The following EPC1 variants were observed in gnomAD, a reference collection of about 807,000 sequenced individuals.
The protein encoded by EPC1 is enhancer of polycomb 1, also known as enhancer of polycomb homolog 1.
In EPC1, 12 loss-of-function variants were observed where a neutral mutation model predicts 98.4. The ratio of observed to expected loss-of-function variants is 0.12; its 90% CI spans 0.08 to 0.20. The LOEUF is 0.20. Among genes scored for constraint, EPC1 ranks in the 10% least tolerant of loss-of-function variants. The pLI, the probability that EPC1 is intolerant of heterozygous loss-of-function variation, is 1.00. For synonymous variants in EPC1, 357 were observed against 363.9 expected, an observed-to-expected ratio of 0.98 and a Z score of 0.21; for missense variants, 729 against 990.5, an observed-to-expected ratio of 0.74 and a Z score of 3.54.
At chr10:32,291,667 G>C in intron 5 of EPC1, 1 of 155,914 alleles carries the variant, frequency 6.4e-6, no homozygotes, top group East Asian at 1.8e-4. Flanking sequence ...GAAAATTTTG[G>C]AAAGTTAGTT....
At chr10:32,299,030 C>G (rs1187983510) in intron 2 of EPC1, among the ~76,000 whole-genome samples, 1 of 152,202 alleles carries the variant, frequency 6.6e-6, no homozygotes, top group Non-Finnish European at 1.5e-5. Flanking sequence ...CACCTGCATA[C>G]TCTTTACCCA....
intron 1 of EPC1, chr10:32,378,441 C>T (rs71493124): frequency 4.4e-4 from 645 of 1,470,770 alleles, no homozygotes; most frequent in Non-Finnish European, 5.5e-4. Context: ...TCCTTTTTAG[C>T]CGGTGGCTCT....
intron 1 of EPC1, among the ~76,000 whole-genome samples, chr10:32,309,909 C>T (rs1023469732): frequency 6.6e-6 from 1 of 151,164 alleles, no homozygotes; most frequent in Non-Finnish European, 1.5e-5. Context: ...AGAACATGGG[C>T]TTTGGCCAGG....
intron 2 of EPC1, among the ~76,000 whole-genome samples, chr10:32,303,430 T>C (rs980453476): frequency 2.6e-5 from 4 of 152,218 alleles, no homozygotes; most frequent in South Asian, 4.1e-4. Flanking sequence ...GAGTGAATGA[T>C]TAAACAGACT....
rs565480441 is a variant in EPC1 at position 32,364,730 on chromosome 10, T to C, written c.3+13761A>G. 2.0e-5 allele frequency among the ~76,000 whole-genome samples: 3 copies of C among 149,538 alleles called. No homozygotes were observed. In the South Asian group the frequency reaches 6.2e-4, roughly 31 times the overall value. ...AGAAAAGATAATTTACTTTGAGACATGTGATTTCTAAAGAAACTATGCCTT... is the reference window on the plus strand; with the variant it reads ...AGAAAAGATAATTTACTTTGAGACACGTGATTTCTAAAGAAACTATGCCTT... On this transcript the variant is annotated intron_variant, in intron 1 of 13. Coordinates refer to the EPC1 transcript ENST00000375110.
chr10:32,375,520 T>C (rs1463709265), intron 1 of EPC1, among the ~76,000 whole-genome samples: 1 of 152,092 alleles, frequency 6.6e-6, no homozygotes, highest in Non-Finnish European at 1.5e-5. Context: ...TTGATTGAGC[T>C]CCTTAATTTC....
intron 1 of EPC1, among the ~76,000 whole-genome samples, chr10:32,336,230 A>G (rs534297719): frequency 7.9e-5 from 12 of 151,940 alleles, no homozygotes; most frequent in Non-Finnish European, 1.6e-4. Context: ...CGCCATGTCC[A>G]GTTAATTTTT....
intron 1 of EPC1, among the ~76,000 whole-genome samples, chr10:32,338,949 AT>A (rs36037365): frequency 0.02 from 1,083 of 54,996 alleles, 10 homozygotes; most frequent in East Asian, 0.059. Context: ...AAAAAAATAA[AT>A]AAATAAATAA....
At chr10:32,331,582 C>T (rs1366103919) in intron 1 of EPC1, among the ~76,000 whole-genome samples, 2 of 151,438 alleles carry the variant, frequency 1.3e-5, no homozygotes, top group East Asian at 1.9e-4. Context: ...AGTTGGTTTA[C>T]GCAGTTTTAT....
chr10:32,349,006 G>C (rs1052391016), upstream of EPC1, among the ~76,000 whole-genome samples: 3 of 152,206 alleles, frequency 2.0e-5, no homozygotes, highest in Admixed American at 6.5e-5. Flanking sequence ...CAACGGTAGC[G>C]ACGTATCCAC....
At chr10:32,278,848 T>A (rs1385685685) in intron 10 of EPC1, among the ~76,000 whole-genome samples, 1 of 152,192 alleles carries the variant, frequency 6.6e-6, no homozygotes, top group Non-Finnish European at 1.5e-5. Flanking sequence ...AAAGTTTGTT[T>A]TAATTCATTT....
intron 1 of EPC1, among the ~76,000 whole-genome samples, chr10:32,342,337 G>C (rs1838416966): frequency 1.3e-5 from 2 of 151,876 alleles, no homozygotes; most frequent in African/African-American, 4.8e-5. Context: ...CTTTCAAAGT[G>C]ATTTAAATTT....
At chr10:32,338,348 C>A (rs977815117) in intron 1 of EPC1, among the ~76,000 whole-genome samples, 1 of 152,166 alleles carries the variant, frequency 6.6e-6, no homozygotes, top group Non-Finnish European at 1.5e-5. Context: ...TTTCCACTAG[C>A]ACCAACCCTA....
At chr10:32,339,992 C>T (rs1228159079) in intron 1 of EPC1, among the ~76,000 whole-genome samples, 1 of 152,114 alleles carries the variant, frequency 6.6e-6, no homozygotes, top group East Asian at 1.9e-4. Context: ...AAGATTAGAA[C>T]CTATATTAAA....
chr10:32,346,607 G>T, intron 1 of EPC1, 156 bp downstream of exon 1: 1 of 742,424 alleles, frequency 1.3e-6, no homozygotes, highest in Non-Finnish European at 2.2e-6. Context: ...GGGGGTCGAG[G>T]CTGGGGGAGG....
chr10:32,280,111 C>G (rs1041231), intron 10 of EPC1, among the ~76,000 whole-genome samples: 105,658 of 152,028 alleles, frequency 0.69, 36,800 homozygotes, highest in Middle Eastern at 0.78. Flanking sequence ...GTAGTTGAAA[C>G]AGACTATAAA....
At chr10:32,329,025 C>T (rs988644916) in intron 1 of EPC1, among the ~76,000 whole-genome samples, 1 of 152,184 alleles carries the variant, frequency 6.6e-6, no homozygotes, top group African/African-American at 2.4e-5. Context: ...TGTATTTTCT[C>T]TGTGAGAAGA....
At chr10:32,359,398 T>G (rs2133098422) in intron 1 of EPC1, among the ~76,000 whole-genome samples, 1 of 152,330 alleles carries the variant, frequency 6.6e-6, no homozygotes, top group South Asian at 2.1e-4. Context: ...CGAGAAATGT[T>G]TAGCTACATT....
chr10:32,278,127 G>C (rs1836195168), intron 10 of EPC1, among the ~76,000 whole-genome samples: 1 of 152,014 alleles, frequency 6.6e-6, no homozygotes, highest in Non-Finnish European at 1.5e-5. Flanking sequence ...TGTTGCCCAG[G>C]CCTCCCGGGT....
Sources: allele counts gnomAD v4.1 joint callset (sites outside exome capture counted in the v4.1 genomes callset), GRCh38; gene constraint gnomAD v4.1.1; transcripts MANE v1.5; gene names NCBI Gene and HGNC (gene_info 2026-07-23, HGNC 2026-07-21).